The following CTIF variants were observed in gnomAD, a reference collection of about 807,000 sequenced individuals.
CTIF encodes the protein cap binding complex dependent translation initiation factor.
CTIF carries 21 observed loss-of-function variants against 66.0 expected under a neutral mutation model. The observed-to-expected ratio is 0.32, with a 90% confidence interval of 0.23 to 0.46. The LOEUF (loss-of-function observed/expected upper bound fraction) is 0.46. CTIF is among the 20% of genes least tolerant of loss of function. CTIF has a pLI of 1.00. For missense variants in CTIF, 739 were observed against 812.7 expected (o/e 0.91, Z 1.10); for synonymous variants, 345 against 326.4 (o/e 1.06, Z -0.62).
intron 10 of CTIF, among the ~76,000 whole-genome samples, chr18:48,847,610 T>C (rs190321359): frequency 6.6e-6 from 1 of 152,364 alleles, no homozygotes; most frequent in East Asian, 1.9e-4. Flanking sequence ...GGAAGATACA[T>C]GTTTATAAAG....
chr18:48,845,147 G>A (rs926784972), intron 10 of CTIF, among the ~76,000 whole-genome samples: 3 of 152,076 alleles, frequency 2.0e-5, no homozygotes, highest in African/African-American at 7.2e-5. Context: ...AGAAGAAGGG[G>A]GTTGGGGTTG....
intron 3 of CTIF, among the ~76,000 whole-genome samples, chr18:48,651,357 A>G (rs1183033972): frequency 2.0e-5 from 3 of 152,220 alleles, no homozygotes; most frequent in Admixed American, 6.5e-5. Context: ...AGTCTCTGAT[A>G]AAACAGACTT....
intron 10 of CTIF, among the ~76,000 whole-genome samples, chr18:48,828,116 T>C (rs535844369): frequency 6.6e-6 from 1 of 150,980 alleles, no homozygotes; most frequent in East Asian, 2.0e-4. Context: ...TTAGCAACCA[T>C]GGTAACACAG....
At chr18:48,778,737 T>C (rs1910928056) in intron 9 of CTIF, among the ~76,000 whole-genome samples, 1 of 152,032 alleles carries the variant, frequency 6.6e-6, no homozygotes, top group South Asian at 2.1e-4. Flanking sequence ...CTACACTTCA[T>C]TGAAATGCCA....
At chr18:48,594,083 T>C (rs2089944807) in intron 1 of CTIF, among the ~76,000 whole-genome samples, 1 of 141,486 alleles carries the variant, frequency 7.1e-6, no homozygotes, top group Admixed American at 7.0e-5. Flanking sequence ...TCTGCCCCCT[T>C]CCCCCACTCC....
At chr18:48,544,291 G>A (rs918842320) in intron 1 of CTIF, among the ~76,000 whole-genome samples, 2 of 152,184 alleles carry the variant, frequency 1.3e-5, no homozygotes, top group Admixed American at 6.5e-5. Flanking sequence ...GGTGGTTATC[G>A]TTATCAGCCT....
chr18:48,717,638 T>C (rs535366550), intron 7 of CTIF, among the ~76,000 whole-genome samples: 2 of 152,186 alleles, frequency 1.3e-5, no homozygotes, highest in South Asian at 2.1e-4. Flanking sequence ...GTGAATTTTG[T>C]ACTGTGTGAA....
chr18:48,758,035 A>C lies in CTIF; in HGVS notation c.701A>C (p.His234Pro), dbSNP rs759634180. 1 of 1,613,882 alleles carries C rather than the reference A, an allele frequency of 6.2e-7. No homozygotes were observed. Among genetic ancestry groups the C allele is most frequent in the Non-Finnish European group, 8.5e-7 (1 of 1,179,944 alleles). ...TCCTACCAGGGGGGCTCAGCACCCC[A>C]CCCCTCAGGGAGGCCCACTCACCAT... is the stretch of plus-strand genomic sequence containing the variant. ...QKSYQGGSAP[H>P]PSGRPTHHGY... Residue 234 changes from histidine (H) to proline (P), a missense_variant, in exon 8 of 12, where the codon CAC becomes CCC. By Grantham distance (77) the His-to-Pro change is moderately conservative (BLOSUM62 -2). Around this residue, in one of 2 missense-constraint regions of CTIF, gnomAD observed 529 missense variants for 520.3 expected, o/e 1.02. Transcript: ENST00000256413.
At chr18:48,699,455 CTGTG>C (rs1469734980) in intron 6 of CTIF, among the ~76,000 whole-genome samples, 1 of 144,870 alleles carries the variant, frequency 6.9e-6, no homozygotes, top group Non-Finnish European at 1.5e-5. Context: ...TGGTGCAGGT[CTGTG>C]TGGAGGAAGC....
At chr18:48,787,470 G>A (rs1040729399) in intron 9 of CTIF, among the ~76,000 whole-genome samples, 16 of 152,166 alleles carry the variant, frequency 1.1e-4, no homozygotes, top group African/African-American at 3.9e-4. Flanking sequence ...TCATCTGCCT[G>A]CAGGTTGCTT....
At chr18:48,610,271 G>T (rs1434538666) in intron 1 of CTIF, among the ~76,000 whole-genome samples, 4 of 152,246 alleles carry the variant, frequency 2.6e-5, no homozygotes, top group Admixed American at 6.5e-5. Context: ...CAAGGGAGCA[G>T]GTGGGTGGTC....
At chr18:48,747,768 A>T (rs1432606406) in intron 7 of CTIF, among the ~76,000 whole-genome samples, 1 of 143,988 alleles carries the variant, frequency 6.9e-6, no homozygotes, top group Non-Finnish European at 1.5e-5. Flanking sequence ...AAAAAAAAAA[A>T]TTAGCCAGTC....
In CTIF at chr18:48,648,022, G is replaced by A. The variant is rs2091081710; in HGVS notation, c.252+11337G>A. ...CTTTCCCTGGCAGGAGCTGGGGACAGTTGAGGAGGATCCCATTATTTCAGC... is the reference window on the plus strand; with the variant it reads ...CTTTCCCTGGCAGGAGCTGGGGACAATTGAGGAGGATCCCATTATTTCAGC... On this transcript the variant is annotated intron_variant, in intron 3 of 11. Transcript: ENST00000256413. Among the ~76,000 whole-genome samples, 5 of 152,204 alleles carry A rather than the reference G, an allele frequency of 3.3e-5. No homozygotes were observed. The South Asian group carries it at 1.0e-3, about 32-fold the overall frequency.
intron 1 of CTIF, among the ~76,000 whole-genome samples, chr18:48,546,700 C>T (rs375990701): frequency 8.6e-5 from 13 of 151,900 alleles, no homozygotes; most frequent in South Asian, 8.3e-4. Context: ...GCATCTCCTC[C>T]GAGACTAGAG....
At chr18:48,765,177 C>A (rs891553919) in intron 9 of CTIF, among the ~76,000 whole-genome samples, 3 of 152,194 alleles carry the variant, frequency 2.0e-5, no homozygotes, top group Non-Finnish European at 2.9e-5. Flanking sequence ...TTTCACCTGA[C>A]TTCATTTTCT....
At chr18:48,616,869 A>T (rs1439788623) in intron 1 of CTIF, among the ~76,000 whole-genome samples, 1 of 152,254 alleles carries the variant, frequency 6.6e-6, no homozygotes, top group Non-Finnish European at 1.5e-5. Context: ...AAATGCTTCC[A>T]GGTGACAGGT....
At chr18:48,602,722 C>T (rs184872301) in intron 1 of CTIF, among the ~76,000 whole-genome samples, 76 of 152,294 alleles carry the variant, frequency 5.0e-4, no homozygotes, top group African/African-American at 1.7e-3. Context: ...CTTCTCTGCC[C>T]TTCGTTTTGT....
chr18:48,647,444 C>T lies in CTIF; in HGVS notation c.252+10759C>T, dbSNP rs145923162. Among the ~76,000 whole-genome samples, 731 of 152,114 alleles carry T rather than the reference C, an allele frequency of 4.8e-3. 10 individuals are homozygous for T. Among genetic ancestry groups the T allele is most frequent in the African/African-American group, 0.017 (694 of 41,474 alleles). On this transcript the variant is annotated intron_variant, in intron 3 of 11. Coordinates refer to ENST00000256413, the MANE Select transcript of CTIF (RefSeq NM_014772.3). ...ATTAAACTTTTGCTCTGGGAAGGAT[C>T]GTATTAAGAGGATGAAGAGACAAGT...
chr18:48,618,438 C>T (rs578004503), intron 1 of CTIF, among the ~76,000 whole-genome samples: 7 of 152,178 alleles, frequency 4.6e-5, no homozygotes, highest in Non-Finnish European at 1.0e-4. Flanking sequence ...ACTCTGTTTT[C>T]TCTGGCAGAT....
Sources: gnomAD v4.1 joint callset for allele counts (sites outside exome capture counted in the v4.1 genomes callset) on GRCh38, gnomAD v4.1.1 for gene constraint, gnomAD v4.1.1 regional missense constraint, MANE v1.5 for transcripts, NCBI Gene and HGNC (gene_info 2026-07-23, HGNC 2026-07-21) for gene names.